The following MAST4 variants were observed in gnomAD, a reference collection of about 807,000 sequenced individuals.
MAST4 encodes microtubule associated serine/threonine kinase family member 4.
MAST4 carries 89 observed loss-of-function variants against 162.7 expected under a neutral mutation model. The ratio of observed to expected loss-of-function variants is 0.55; its 90% CI spans 0.46 to 0.65. The LOEUF (loss-of-function observed/expected upper bound fraction) is 0.65, where lower values mean the gene tolerates loss of function less well. Ranked by LOEUF, MAST4 falls within the 30% of genes least tolerant of loss-of-function variation. The pLI is 0.00. For missense variants in MAST4, 3,153 were observed against 3,374.0 expected (o/e 0.93, Z 1.62); for synonymous variants, 1,479 against 1,361.1 (o/e 1.09, Z -1.91).
chr5:66,632,089 A>G (rs1229063895), intron 1 of MAST4, among the ~76,000 whole-genome samples: 2 of 152,162 alleles, frequency 1.3e-5, no homozygotes, highest in African/African-American at 4.8e-5. Flanking sequence ...TTTTCCTGGG[A>G]AAAATCCTTA....
At chr5:66,829,456 T>C (rs1757453772) in intron 3 of MAST4, among the ~76,000 whole-genome samples, 1 of 152,188 alleles carries the variant, frequency 6.6e-6, no homozygotes, top group African/African-American at 2.4e-5. Flanking sequence ...GTTTCTCTGA[T>C]GAAATTACTC....
chr5:66,807,983 A>C (rs1254066596), intron 3 of MAST4, among the ~76,000 whole-genome samples: 1 of 152,232 alleles, frequency 6.6e-6, no homozygotes, highest in Non-Finnish European at 1.5e-5. Context: ...GATAATGTTT[A>C]CTGTGCCACC....
chr5:66,964,804 A>G (rs1392885279), intron 4 of MAST4, among the ~76,000 whole-genome samples: 1 of 152,238 alleles, frequency 6.6e-6, no homozygotes, highest in Non-Finnish European at 1.5e-5. Context: ...CTCCGTCTCA[A>G]AAAAGAAAAA....
At chr5:66,603,835 A>G (rs1260996405) in intron 1 of MAST4, among the ~76,000 whole-genome samples, 3 of 152,186 alleles carry the variant, frequency 2.0e-5, no homozygotes, top group African/African-American at 7.2e-5. Context: ...CATTTACACA[A>G]CTTTGCATCA....
At chr5:66,730,455 G>C (rs942695345) in intron 1 of MAST4, among the ~76,000 whole-genome samples, 3 of 152,002 alleles carry the variant, frequency 2.0e-5, no homozygotes, top group East Asian at 3.8e-4. Flanking sequence ...CTCCACTCTT[G>C]GTAGGTTGTT....
At chr5:66,609,477 C>T (rs111414441) in intron 1 of MAST4, among the ~76,000 whole-genome samples, 2,585 of 149,510 alleles carry the variant, frequency 0.017, 70 homozygotes, top group African/African-American at 0.061. Context: ...GCAGCCTCTG[C>T]CTCCCAGGAT....
At chr5:66,701,792 A>G (rs1365319519) in intron 1 of MAST4, among the ~76,000 whole-genome samples, 2 of 151,746 alleles carry the variant, frequency 1.3e-5, no homozygotes, top group Non-Finnish European at 2.9e-5. Context: ...GGAAATGATG[A>G]TCATATCAAC....
intron 1 of MAST4, among the ~76,000 whole-genome samples, chr5:66,639,536 A>G (rs756438018): frequency 2.0e-5 from 3 of 152,228 alleles, no homozygotes; most frequent in Non-Finnish European, 4.4e-5. Context: ...AACTGTATCA[A>G]ATGACTTTAA....
intron 2 of MAST4, among the ~76,000 whole-genome samples, chr5:66,760,739 A>C (rs1753809658): frequency 6.6e-6 from 1 of 152,202 alleles, no homozygotes; most frequent in Admixed American, 6.5e-5. Context: ...TTAACTTTAT[A>C]AAATTAGGTT....
intron 1 of MAST4, among the ~76,000 whole-genome samples, chr5:66,636,102 C>A (rs1467745794): frequency 6.6e-6 from 1 of 151,812 alleles, no homozygotes; most frequent in Non-Finnish European, 1.5e-5. Context: ...GGACTAAAGA[C>A]GTATGCCACC....
intron 6 of MAST4, among the ~76,000 whole-genome samples, chr5:67,095,078 C>G (rs1385096061): frequency 6.6e-6 from 1 of 152,172 alleles, no homozygotes; most frequent in Non-Finnish European, 1.5e-5. Context: ...ACACTTCAGG[C>G]CTGAGCCAGC....
chr5:66,738,155 C>G (rs1374533154), intron 1 of MAST4: 2 of 152,186 alleles, frequency 1.3e-5, no homozygotes, highest in Non-Finnish European at 2.9e-5. Context: ...TGCTTTATAT[C>G]CATTGTGAGT....
At chr5:66,708,464 A>G (rs1750282185) in intron 1 of MAST4, among the ~76,000 whole-genome samples, 1 of 152,192 alleles carries the variant, frequency 6.6e-6, no homozygotes, top group Admixed American at 6.5e-5. Flanking sequence ...AGCCCATCAT[A>G]CCTAACAGAC....
At position 67,078,748 on chromosome 5, in the gene MAST4, T is replaced by TTATTTATATTTATCTAAATATATA. The variant is rs1186534698; in HGVS notation, c.764-11406_764-11383dup. Among the ~76,000 whole-genome samples, 1,172 of 133,112 alleles carry TTATTTATATTTATCTAAATATATA rather than the reference T, an allele frequency of 8.8e-3. 17 individuals carry two copies. The highest frequency in any genetic ancestry group is 0.02 in the African/African-American group (730 of 35,650). 87.3% of individuals were successfully genotyped at this position (133,112 alleles called of 152,430 possible). A position where few individuals can be genotyped will look rare whatever the true frequency, so the allele number is the denominator to read the frequency against. On this transcript the variant is annotated intron_variant, in intron 5 of 28. Coordinates refer to ENST00000403625, the MANE Select transcript of MAST4 (RefSeq NM_001164664.2). ...TATTTATATTTATCTAAATATATAT[T>TTATTTATATTTATCTAAATATATA]TATTTATATTTATCTAAATATATAT...
rs7710926 is a variant in MAST4 at position 66,877,011 on chromosome 5, T to C, written c.643-22940T>C. On this transcript the variant is annotated intron_variant, in intron 3 of 28. Coordinates refer to ENST00000403625, the MANE Select transcript of MAST4 (RefSeq NM_001164664.2). ...TACACACCACATAATGTACATTTCATAGGAGCATGTGCAAATAGCCGAATA... is the reference window on the plus strand; with the variant it reads ...TACACACCACATAATGTACATTTCACAGGAGCATGTGCAAATAGCCGAATA... Among the ~76,000 whole-genome samples the C allele has an allele frequency of 2.8e-3, 433 of 152,240 alleles. 2 individuals are homozygous for C. Among genetic ancestry groups the C allele is most frequent in the African/African-American group, 9.3e-3 (388 of 41,540 alleles).
At position 67,133,370 on chromosome 5, in the gene MAST4, C is replaced by G. The variant is rs1002962197; in HGVS notation, c.2094-144C>G. On this transcript the variant is annotated intron_variant, in intron 16 of 28. Transcript: ENST00000403625. ...AGTATTTGACATCTTTATGTGACTC[C>G]ATCTCTTTCCAGGCTGGGTTTTGTA... 4 of 821,708 alleles carry G rather than the reference C, an allele frequency of 4.9e-6. No homozygotes were observed. The East Asian group carries it at 1.0e-4, about 21-fold the overall frequency. 50.9% of individuals were successfully genotyped at this position (821,708 alleles called of 1,614,324 possible).
At chr5:67,058,336 A>T (rs1759114366) in intron 5 of MAST4, among the ~76,000 whole-genome samples, 1 of 152,222 alleles carries the variant, frequency 6.6e-6, no homozygotes, top group South Asian at 2.1e-4. Flanking sequence ...GATGTGAATT[A>T]GTGTAACCAT....
chr5:66,808,826 C>G (rs545930824), intron 3 of MAST4, among the ~76,000 whole-genome samples: 1 of 152,336 alleles, frequency 6.6e-6, no homozygotes, highest in Non-Finnish European at 1.5e-5. Context: ...AAATCTGGAG[C>G]AGCTCAGGAG....
intron 3 of MAST4, among the ~76,000 whole-genome samples, chr5:66,883,102 A>G (rs1761796349): frequency 1.3e-5 from 2 of 152,268 alleles, no homozygotes; most frequent in East Asian, 1.9e-4. Context: ...AATTCCAGAA[A>G]TGGGCAAACT....
Sources: allele counts gnomAD v4.1 joint callset (sites outside exome capture counted in the v4.1 genomes callset), GRCh38; gene constraint gnomAD v4.1.1; transcripts MANE v1.5; gene names NCBI Gene and HGNC (gene_info 2026-07-23, HGNC 2026-07-21).